Variants in ANKRD33B observed in about 807,000 individuals in gnomAD.
The protein encoded by ANKRD33B is ankyrin repeat domain-containing protein 33B.
ANKRD33B carries 6 observed loss-of-function variants against 21.5 expected under a neutral mutation model. The ratio of observed to expected loss-of-function variants is 0.28; its 90% CI spans 0.15 to 0.55. The LOEUF (loss-of-function observed/expected upper bound fraction) is 0.55, where lower values mean the gene tolerates loss of function less well. Ranked by LOEUF, ANKRD33B falls within the 20% of genes least tolerant of loss-of-function variation. The pLI, the probability that ANKRD33B is intolerant of heterozygous loss-of-function variation, is 0.94. For missense variants in ANKRD33B, 698 were observed against 747.2 expected, an observed-to-expected ratio of 0.93 and a Z score of 0.77; for synonymous variants, 347 against 342.4, an observed-to-expected ratio of 1.01 and a Z score of -0.15.
intron 3 of ANKRD33B, among the ~76,000 whole-genome samples, chr5:10,647,000 C>T (rs969256597): frequency 2.6e-5 from 4 of 152,160 alleles, no homozygotes; most frequent in East Asian, 3.8e-4. Flanking sequence ...AATGAAGAAG[C>T]GTCTGTCGGG....
intron 2 of ANKRD33B, among the ~76,000 whole-genome samples, chr5:10,634,457 A>ATTTTTTTTTTTTTTTTTTTTTTT (rs34515233): frequency 1.4e-5 from 2 of 141,858 alleles, no homozygotes. Flanking sequence ...CTCAAACTAG[A>ATTTTTTTTTTTTTTTTTTTTTTT]TTTTTTTCTT....
Position 10,650,255 on chromosome 5 carries a change from T to C in ANKRD33B, c.*142T>C. 2.1e-6 allele frequency: 2 copies of C among 949,728 alleles called. No homozygotes were observed. Among genetic ancestry groups the C allele is most frequent in the East Asian group, 3.5e-5 (1 of 28,886 alleles). 58.8% of individuals were successfully genotyped at this position (949,728 alleles called of 1,614,324 possible). A position where few individuals can be genotyped will look rare whatever the true frequency, so the allele number is the denominator to read the frequency against. ...GGGGCTGCGCGCATTTCCAGGCTGTTTGTCCAGGCTGCTTCCAAGAGAGGG... is the reference window on the plus strand; with the variant it reads ...GGGGCTGCGCGCATTTCCAGGCTGTCTGTCCAGGCTGCTTCCAAGAGAGGG... On this transcript the variant is annotated 3_prime_UTR_variant, in exon 4 of 4. Coordinates refer to ENST00000296657, the MANE Select transcript of ANKRD33B (RefSeq NM_001164440.2).
At chr5:10,616,986 C>A (rs1160476369) in intron 1 of ANKRD33B, among the ~76,000 whole-genome samples, 1 of 152,206 alleles carries the variant, frequency 6.6e-6, no homozygotes, top group Non-Finnish European at 1.5e-5. Context: ...GGCCCGGGCC[C>A]TCTTCCAGGA....
At chr5:10,638,985 G>A (rs183478215) in intron 3 of ANKRD33B, among the ~76,000 whole-genome samples, 1,927 of 69,014 alleles carry the variant, frequency 0.028, 29 homozygotes, top group African/African-American at 0.081. Flanking sequence ...AGCGGGTGAC[G>A]CGGAGTTGCG....
intron 1 of ANKRD33B, among the ~76,000 whole-genome samples, chr5:10,572,073 G>C (rs1026803505): frequency 1.3e-5 from 2 of 152,064 alleles, no homozygotes; most frequent in Non-Finnish European, 2.9e-5. Flanking sequence ...ATTTTTAGTA[G>C]AGATGGGGTT....
At chr5:10,630,419 G>A (rs542276788) in intron 2 of ANKRD33B, among the ~76,000 whole-genome samples, 21 of 152,258 alleles carry the variant, frequency 1.4e-4, no homozygotes, top group Non-Finnish European at 2.8e-4. Flanking sequence ...CTTCCATCAC[G>A]CCTGCAAACA....
At chr5:10,607,022 C>T (rs765778548) in intron 1 of ANKRD33B, among the ~76,000 whole-genome samples, 4 of 152,182 alleles carry the variant, frequency 2.6e-5, no homozygotes, top group African/African-American at 4.8e-5. Context: ...TGAGCCACCA[C>T]GCCCAGCCCA....
chr5:10,640,986 A>G (rs902619707), intron 3 of ANKRD33B, among the ~76,000 whole-genome samples: 1 of 152,132 alleles, frequency 6.6e-6, no homozygotes, highest in Non-Finnish European at 1.5e-5. Flanking sequence ...ATCACCCCCT[A>G]AAGGCCTCAC....
intron 1 of ANKRD33B, among the ~76,000 whole-genome samples, chr5:10,601,047 C>A (rs1735918053): frequency 1.3e-5 from 2 of 152,162 alleles, no homozygotes. Flanking sequence ...ACCGCCCTGA[C>A]AGCTATGAGT....
At chr5:10,617,699 C>A (rs764606245) in intron 1 of ANKRD33B, among the ~76,000 whole-genome samples, 1 of 152,202 alleles carries the variant, frequency 6.6e-6, no homozygotes, top group African/African-American at 2.4e-5. Flanking sequence ...CCCCTGTCCA[C>A]GGTCTCTGAG....
intron 1 of ANKRD33B, among the ~76,000 whole-genome samples, chr5:10,605,559 G>C (rs930580692): frequency 6.8e-6 from 1 of 146,264 alleles, no homozygotes; most frequent in Admixed American, 7.0e-5. Flanking sequence ...GTGGAGTTTT[G>C]TTGTTGTTGC....
chr5:10,627,675 G>A (rs760723068), intron 2 of ANKRD33B, among the ~76,000 whole-genome samples: 5 of 152,370 alleles, frequency 3.3e-5, no homozygotes, highest in East Asian at 1.9e-4. Flanking sequence ...CAGTGCACAC[G>A]ATCACGATCT....
intron 1 of ANKRD33B, among the ~76,000 whole-genome samples, chr5:10,579,554 A>C (rs1560962415): frequency 6.6e-6 from 1 of 152,182 alleles, no homozygotes; most frequent in Admixed American, 6.5e-5. Flanking sequence ...TCACTCAAAA[A>C]ATACCAGGTT....
intron 1 of ANKRD33B, among the ~76,000 whole-genome samples, chr5:10,572,885 A>G (rs1735229124): frequency 6.6e-6 from 1 of 152,228 alleles, no homozygotes; most frequent in Non-Finnish European, 1.5e-5. Flanking sequence ...CATCCCAGAA[A>G]CAGAGGCCAG....
In ANKRD33B at chr5:10,651,113, A is replaced by T. The variant is rs1737347965; in HGVS notation, c.*1000A>T. 6.6e-6 allele frequency: 1 copy of T among 152,328 alleles called. No individual in the cohort carries two copies. The highest frequency in any genetic ancestry group is 2.4e-5 in the African/African-American group (1 of 41,442). 9.4% of individuals were successfully genotyped at this position (152,328 alleles called of 1,614,324 possible). A position where few individuals can be genotyped will look rare whatever the true frequency, so the allele number is the denominator to read the frequency against. ...AAATTACAGGAATGGGGAGGAGGTG[A>T]TTTTTAGAAGAGGTGAGAGAATGGA... On this transcript the variant is annotated 3_prime_UTR_variant, in exon 4 of 4. Coordinates refer to ENST00000296657, the MANE Select transcript of ANKRD33B (RefSeq NM_001164440.2).
At chr5:10,630,941 G>C (rs371509274) in intron 2 of ANKRD33B, among the ~76,000 whole-genome samples, 7 of 152,160 alleles carry the variant, frequency 4.6e-5, no homozygotes, top group African/African-American at 1.7e-4. Flanking sequence ...CCACAGGCCT[G>C]CCTGTCTCCT....
intron 1 of ANKRD33B, among the ~76,000 whole-genome samples, chr5:10,582,998 T>C (rs956483907): frequency 3.8e-4 from 58 of 151,820 alleles, no homozygotes; most frequent in Non-Finnish European, 7.5e-4. Context: ...GCTTTTTTTT[T>C]TTTTTTTCTT....
chr5:10,604,083 G>A (rs931588424), intron 1 of ANKRD33B, among the ~76,000 whole-genome samples: 2 of 151,462 alleles, frequency 1.3e-5, no homozygotes, highest in Non-Finnish European at 2.9e-5. Context: ...TAGTAGGGAC[G>A]GAGTTTCACC....
intron 1 of ANKRD33B, among the ~76,000 whole-genome samples, chr5:10,607,848 T>A (rs1163919777): frequency 6.6e-6 from 1 of 152,198 alleles, no homozygotes; most frequent in Non-Finnish European, 1.5e-5. Flanking sequence ...TATTTAAAGC[T>A]CCTTGTTACT....
Sources: gnomAD v4.1 joint callset for allele counts (sites outside exome capture counted in the v4.1 genomes callset) on GRCh38, gnomAD v4.1.1 for gene constraint, MANE v1.5 for transcripts, NCBI Gene and HGNC (gene_info 2026-07-23, HGNC 2026-07-21) for gene names.